Variants in CFH observed in about 807,000 individuals in gnomAD.
The protein encoded by CFH is complement factor H.
A neutral mutation model predicts 147.3 loss-of-function variants in CFH; 53 were observed. The observed-to-expected ratio is 0.36, with a 90% CI of 0.29 to 0.45. CFH has a LOEUF of 0.45. Ranked by LOEUF, CFH falls within the 20% of genes least tolerant of loss-of-function variation. The pLI is 1.00. For missense variants in CFH, 1,380 were observed against 1,498.0 expected (o/e 0.92, Z 1.30); for synonymous variants, 536 against 489.4 (o/e 1.10, Z -1.26).
Position 196,676,051 on chromosome 1 carries a change from T to A in CFH, c.413T>A (p.Ile138Asn). The A allele has an allele frequency of 1.9e-6, 3 of 1,597,546 alleles. No homozygotes were observed. The South Asian group carries it at 3.3e-5, about 18-fold the overall frequency. ...ECDTDGWTND[I>N]PICEVVKCLP... The stretch of plus-strand genomic sequence containing the variant: ...GACACAGATGGATGGACCAATGATA[T>A]TCCTATATGTGAAGGTAGACATAAA... Residue 138 changes from isoleucine to asparagine, a missense_variant, in exon 4 of 22, where the codon ATT becomes AAT. This residue lies in a region of CFH where 260 missense variants were observed against 263.3 expected (regional missense o/e 0.99). Transcript: ENST00000367429.
intron 1 of CFH, among the ~76,000 whole-genome samples, chr1:196,670,556 C>T (rs1247070524): frequency 1.3e-5 from 2 of 152,178 alleles, no homozygotes; most frequent in Non-Finnish European, 2.9e-5. Flanking sequence ...TTGCACTTCT[C>T]TCTTGCCATC....
In CFH at chr1:196,673,913, G is replaced by A; in HGVS notation, c.301G>A (p.Gly101Arg). ...TTTTGGTACTTTTACCCTTACAGGAGGAAATGTGTTTGAATATGGTGTAAA... is the reference window on the plus strand; with the variant it reads ...TTTTGGTACTTTTACCCTTACAGGAAGAAATGTGTTTGAATATGGTGTAAA... ...TPFGTFTLTG[G>R]NVFEYGVKAV... is the part of the protein sequence containing the mutation. Residue 101 changes from glycine to arginine, a missense_variant, in exon 3 of 22, where the codon GGA becomes AGA. Gly to Arg is a moderately radical substitution (Grantham distance 125, BLOSUM62 -2). This residue lies in a region of CFH where 260 missense variants were observed against 263.3 expected (regional missense o/e 0.99). Transcript: ENST00000367429. 6.2e-7 allele frequency: 1 copy of A among 1,613,566 alleles called. No homozygotes were observed. Among genetic ancestry groups the A allele is most frequent in the Non-Finnish European group, 8.5e-7 (1 of 1,179,730 alleles).
chr1:196,705,985 C>A (rs1668574641), intron 9 of CFH, among the ~76,000 whole-genome samples: 1 of 152,034 alleles, frequency 6.6e-6, no homozygotes, highest in South Asian at 2.1e-4. Context: ...CAGACATGAC[C>A]AAAATTCCCT....
At chr1:196,725,950 C>A (rs940614916) in intron 12 of CFH, among the ~76,000 whole-genome samples, 1 of 152,162 alleles carries the variant, frequency 6.6e-6, no homozygotes, top group South Asian at 2.1e-4. Context: ...TAGTGGCTGA[C>A]AATGGAGGGA....
At chr1:196,709,640 C>T (rs907755238) in intron 9 of CFH, among the ~76,000 whole-genome samples, 2 of 152,092 alleles carry the variant, frequency 1.3e-5, no homozygotes, top group African/African-American at 2.4e-5. Context: ...TTCCATTTGT[C>T]CAACTTCTCT....
At chr1:196,734,668 G>A (rs1669360103) in intron 15 of CFH, among the ~76,000 whole-genome samples, 1 of 152,024 alleles carries the variant, frequency 6.6e-6, no homozygotes, top group African/African-American at 2.4e-5. Flanking sequence ...TGGGGGGAAG[G>A]GAGAGTGGTG....
intron 10 of CFH, among the ~76,000 whole-genome samples, chr1:196,715,152 A>G (rs1178260499): frequency 1.3e-5 from 2 of 151,960 alleles, no homozygotes; most frequent in Non-Finnish European, 2.9e-5. Flanking sequence ...ATTATTAAAG[A>G]GAAAATGTCT....
intron 17 of CFH, among the ~76,000 whole-genome samples, chr1:196,739,856 A>G (rs1424467613): frequency 6.6e-6 from 1 of 152,178 alleles, no homozygotes; most frequent in Admixed American, 6.5e-5. Context: ...TCATGCTGCT[A>G]TAAAGAACTA....
chr1:196,684,164 G>T (rs1667746609), intron 6 of CFH, among the ~76,000 whole-genome samples: 1 of 151,926 alleles, frequency 6.6e-6, no homozygotes, highest in South Asian at 2.1e-4. Flanking sequence ...GCAAACTATA[G>T]GCTGCAGGTA....
At chr1:196,691,175 A>C (rs1471591073) in intron 9 of CFH, among the ~76,000 whole-genome samples, 8 of 152,138 alleles carry the variant, frequency 5.3e-5, no homozygotes, top group Non-Finnish European at 1.2e-4. Context: ...GTACATTGGA[A>C]TCAATCATTT....
In CFH at chr1:196,677,674, T is replaced by C. The variant is rs1667505797; in HGVS notation, c.619+7T>C. 2 of 1,607,924 alleles carry C rather than the reference T, an allele frequency of 1.2e-6. No homozygotes were observed. Among genetic ancestry groups the C allele is most frequent in the Non-Finnish European group, 1.7e-6 (2 of 1,174,758 alleles). On this transcript the variant is annotated splice_region_variant and intron_variant, in intron 5 of 21. Transcript: ENST00000367429. Reference sequence around the variant, plus strand: ...GAGAAACCAAAGTGTGTGGGTAAGATACACTTACTGTTTTAGTATTTTTAG... The same window carrying C: ...GAGAAACCAAAGTGTGTGGGTAAGACACACTTACTGTTTTAGTATTTTTAG...
At chr1:196,678,712 G>A (rs1667541987) in intron 5 of CFH, 1 of 151,928 alleles carries the variant, frequency 6.6e-6, no homozygotes, top group Non-Finnish European at 1.5e-5. Context: ...GAAAAAAAAC[G>A]AGATTTTGTA....
At chr1:196,677,978 A>C (rs746186190) in intron 5 of CFH, 1 of 364,692 alleles carries the variant, frequency 2.7e-6, no homozygotes, top group Non-Finnish European at 5.3e-6. Flanking sequence ...AGGTTATCTG[A>C]CACCAGAGTC....
intron 5 of CFH, chr1:196,678,298 A>G (rs1486227526): frequency 2.0e-5 from 3 of 153,468 alleles, no homozygotes; most frequent in African/African-American, 7.2e-5. Context: ...GGATTTTTTT[A>G]GTCATAATAC....
chr1:196,660,308 G>A (rs572328733), intron 1 of CFH, among the ~76,000 whole-genome samples: 1 of 152,292 alleles, frequency 6.6e-6, no homozygotes, highest in South Asian at 2.1e-4. Context: ...GTAAATACAT[G>A]GGAGATTTAA....
At chr1:196,697,723 C>G (rs1668320879) in intron 9 of CFH, among the ~76,000 whole-genome samples, 1 of 152,000 alleles carries the variant, frequency 6.6e-6, no homozygotes, top group African/African-American at 2.4e-5. Context: ...TATTGCGGCA[C>G]TATTCACAAT....
Position 196,740,559 on chromosome 1 carries a change from C to T in CFH, c.2783-60C>T. 4 of 1,484,104 alleles carry T rather than the reference C, an allele frequency of 2.7e-6. No individual in the cohort carries two copies. In the South Asian group the frequency reaches 4.6e-5, roughly 17 times the overall value. The allele number at this position is 1,484,104 out of a possible 1,614,324, so 91.9% of individuals were successfully genotyped here. A position where few individuals can be genotyped will look rare whatever the true frequency, so the allele number is the denominator to read the frequency against. On this transcript the variant is annotated intron_variant, in intron 17 of 21. Coordinates refer to ENST00000367429, the MANE Select transcript of CFH (RefSeq NM_000186.4). ...CAAATAAAACTACTTAATATTAAAA[C>T]AGGCATATAAAATTAAATTTATGAG...
chr1:196,695,205 A>C (rs995769091), intron 9 of CFH, among the ~76,000 whole-genome samples: 4 of 152,264 alleles, frequency 2.6e-5, no homozygotes, highest in Admixed American at 2.0e-4. Flanking sequence ...GGAAGGGTCC[A>C]GTTTCAGTTT....
chr1:196,692,813 TC>T (rs1558163824), intron 9 of CFH, among the ~76,000 whole-genome samples: 4,169 of 81,500 alleles, frequency 0.051, 414 homozygotes, highest in East Asian at 0.21. Context: ...TTTCTTTCTT[TC>T]TTTCTTTCTC....
Sources: gnomAD v4.1 joint callset for allele counts (sites outside exome capture counted in the v4.1 genomes callset) on GRCh38, gnomAD v4.1.1 for gene constraint, gnomAD v4.1.1 regional missense constraint, MANE v1.5 for transcripts, NCBI Gene and HGNC (gene_info 2026-07-23, HGNC 2026-07-21) for gene names.